FER: variants seen among roughly 807,000 people sequenced by gnomAD.
FER encodes FER tyrosine kinase, also known as tyrosine-protein kinase Fer.
In FER, 63 loss-of-function variants were observed where a neutral mutation model predicts 111.0. The ratio of observed to expected loss-of-function variants is 0.57; its 90% CI spans 0.46 to 0.70. The LOEUF is 0.70. FER is among the 30% of genes least tolerant of loss of function. The probability of loss-of-function intolerance (pLI) is 0.00; values close to 1 mark genes in which losing one functional copy is unlikely to be tolerated. For missense variants in FER, 914 were observed against 954.0 expected, an observed-to-expected ratio of 0.96 and a Z score of 0.55; for synonymous variants, 327 against 313.9, an observed-to-expected ratio of 1.04 and a Z score of -0.44.
At chr5:108,834,104 A>G (rs187738123) in intron 4 of FER, among the ~76,000 whole-genome samples, 58 of 152,266 alleles carry the variant, frequency 3.8e-4, no homozygotes, top group African/African-American at 1.3e-3. Context: ...CCATTTATTT[A>G]TGGAAGAAAC....
intron 2 of FER, among the ~76,000 whole-genome samples, chr5:108,770,840 G>A (rs1752819607): frequency 6.6e-6 from 1 of 152,014 alleles, no homozygotes; most frequent in Admixed American, 6.6e-5. Flanking sequence ...TGATATTTCA[G>A]GTGCAAAGTG....
At chr5:108,982,055 G>A (rs187509058) in intron 13 of FER, among the ~76,000 whole-genome samples, 3 of 152,084 alleles carry the variant, frequency 2.0e-5, no homozygotes, top group Non-Finnish European at 2.9e-5. Context: ...TTTTGAAAGC[G>A]CAGGCTCTGG....
intron 2 of FER, among the ~76,000 whole-genome samples, chr5:108,792,792 T>C (rs1232375830): frequency 1.3e-5 from 2 of 151,866 alleles, no homozygotes; most frequent in African/African-American, 2.4e-5. Context: ...TCTAGAAATA[T>C]AATTTATTTT....
chr5:108,815,783 T>C (rs1758209387), intron 3 of FER, among the ~76,000 whole-genome samples: 1 of 152,198 alleles, frequency 6.6e-6, no homozygotes, highest in African/African-American at 2.4e-5. Context: ...TTTTGATGAA[T>C]CAGTCTGATT....
intron 10 of FER, among the ~76,000 whole-genome samples, chr5:108,911,683 G>A (rs1012803276): frequency 1.8e-4 from 28 of 152,166 alleles, no homozygotes; most frequent in African/African-American, 5.8e-4. Flanking sequence ...TTTGCATATT[G>A]CTAGCCAATT....
intron 3 of FER, among the ~76,000 whole-genome samples, chr5:108,823,994 T>C (rs1273985455): frequency 6.6e-6 from 1 of 152,152 alleles, no homozygotes; most frequent in Non-Finnish European, 1.5e-5. Context: ...CTCTTACATG[T>C]GGATATCCAG....
At chr5:109,173,119 A>G (rs866574814) in intron 17 of FER, among the ~76,000 whole-genome samples, 3 of 152,220 alleles carry the variant, frequency 2.0e-5, no homozygotes, top group Admixed American at 2.0e-4. Context: ...TAAATGTCCA[A>G]CCAGAATTCT....
chr5:108,906,312 G>A (rs953782653), intron 10 of FER, among the ~76,000 whole-genome samples: 2 of 152,036 alleles, frequency 1.3e-5, no homozygotes, highest in African/African-American at 4.8e-5. Context: ...TGTTCTTGAT[G>A]TTATTTTTTC....
chr5:108,781,225 C>T (rs992710452), intron 2 of FER, among the ~76,000 whole-genome samples: 2 of 152,280 alleles, frequency 1.3e-5, no homozygotes, highest in East Asian at 3.9e-4. Flanking sequence ...GAGTCTCACT[C>T]TGTCACCCAG....
chr5:108,966,977 A>C (rs1759936898), intron 13 of FER, among the ~76,000 whole-genome samples: 1 of 152,178 alleles, frequency 6.6e-6, no homozygotes. Context: ...AGAGTATATC[A>C]TAAAGTAGCC....
chr5:109,053,333 A>G (rs1773111060), intron 16 of FER, among the ~76,000 whole-genome samples: 1 of 150,234 alleles, frequency 6.7e-6, no homozygotes, highest in Admixed American at 6.7e-5. Context: ...CAGTGAGCCA[A>G]GATCATGCCA....
intron 13 of FER, among the ~76,000 whole-genome samples, chr5:109,008,205 T>C (rs1029539352): frequency 1.4e-4 from 21 of 152,238 alleles, no homozygotes; most frequent in African/African-American, 5.1e-4. Context: ...TACATAAAAT[T>C]GACAAAAATC....
At chr5:109,129,518 A>G (rs1252731260) in intron 17 of FER, among the ~76,000 whole-genome samples, 3 of 152,014 alleles carry the variant, frequency 2.0e-5, no homozygotes, top group African/African-American at 7.2e-5. Context: ...CCATATAACA[A>G]TCAACCAGTC....
At position 108,908,297 on chromosome 5, in the gene FER, A is replaced by C. The variant is rs904983769; in HGVS notation, c.1236+10449A>C. On this transcript the variant is annotated intron_variant, in intron 10 of 19. Coordinates refer to ENST00000281092, the MANE Select transcript of FER (RefSeq NM_005246.4). Reference sequence around the variant, plus strand: ...ATAACTGTTAAAAAATTTTTTAAAAACCTTTTTCCTTCCCTTACATTGCTA... The same window carrying C: ...ATAACTGTTAAAAAATTTTTTAAAACCCTTTTTCCTTCCCTTACATTGCTA... Among the ~76,000 whole-genome samples the C allele has an allele frequency of 3.3e-5, 5 of 152,316 alleles. No homozygotes were observed. The East Asian group carries it at 9.6e-4, about 29-fold the overall frequency.
chr5:109,012,501 C>A (rs938144688), intron 13 of FER, among the ~76,000 whole-genome samples: 1 of 152,166 alleles, frequency 6.6e-6, no homozygotes, highest in African/African-American at 2.4e-5. Flanking sequence ...CTCCCTCCCA[C>A]TTTTTATTGA....
chr5:109,060,892 T>G (rs1160484994), intron 16 of FER, among the ~76,000 whole-genome samples: 2 of 151,992 alleles, frequency 1.3e-5, no homozygotes, highest in African/African-American at 4.8e-5. Context: ...ATCATTATAC[T>G]TCATAATTGT....
At chr5:108,956,673 A>G (rs1013017617) in intron 12 of FER, among the ~76,000 whole-genome samples, 2 of 151,660 alleles carry the variant, frequency 1.3e-5, no homozygotes, top group Admixed American at 1.3e-4. Context: ...ATTTTTCACT[A>G]AATGCCTCAG....
At chr5:109,113,518 C>T (rs1218597077) in intron 17 of FER, among the ~76,000 whole-genome samples, 1 of 152,062 alleles carries the variant, frequency 6.6e-6, no homozygotes, top group East Asian at 1.9e-4. Flanking sequence ...CTTCTTGGGG[C>T]AACAGAAATT....
chr5:109,042,422 A>G, intron 14 of FER, among the ~76,000 whole-genome samples: 1 of 152,184 alleles, frequency 6.6e-6, no homozygotes, highest in East Asian at 1.9e-4. Flanking sequence ...TGAATGATAC[A>G]GAGTGATGAG....
Sources: allele counts gnomAD v4.1 joint callset (sites outside exome capture counted in the v4.1 genomes callset), GRCh38; gene constraint gnomAD v4.1.1; transcripts MANE v1.5; gene names NCBI Gene and HGNC (gene_info 2026-07-23, HGNC 2026-07-21).